SI: variants seen among roughly 807,000 people sequenced by gnomAD.
SI encodes sucrase-isomaltase.
Under a neutral mutation model 253.3 loss-of-function variants are expected in SI, and 235 were observed. The ratio of observed to expected loss-of-function variants is 0.93; its 90% CI spans 0.83 to 1.03. The LOEUF is 1.03. Ranked by LOEUF, SI falls within the 50% of genes least tolerant of loss-of-function variation. The probability of loss-of-function intolerance (pLI) is 0.00; values close to 1 mark genes in which losing one functional copy is unlikely to be tolerated. For missense variants in SI, 2,442 were observed against 2,211.1 expected (o/e 1.10, Z -2.09); for synonymous variants, 819 against 712.0 (o/e 1.15, Z -2.39).
chr3:165,011,330 T>G (rs568506247), intron 34 of SI, among the ~76,000 whole-genome samples: 1 of 152,266 alleles, frequency 6.6e-6, no homozygotes, highest in African/African-American at 2.4e-5. Flanking sequence ...CTGAAGAAAT[T>G]TTCTAATTCT....
intron 17 of SI, among the ~76,000 whole-genome samples, chr3:165,042,809 T>A (rs112331294): frequency 1.6e-3 from 239 of 152,256 alleles, no homozygotes; most frequent in African/African-American, 5.3e-3. Flanking sequence ...TGTACAGTTA[T>A]GCGTTAGTCT....
chr3:165,002,967 A>G (rs1435931750), intron 37 of SI, among the ~76,000 whole-genome samples: 1 of 151,794 alleles, frequency 6.6e-6, no homozygotes, highest in Non-Finnish European at 1.5e-5. Flanking sequence ...AGGATATTCC[A>G]TGGAAGATTG....
At chr3:164,991,747 T>C (rs1717745915) in intron 43 of SI, among the ~76,000 whole-genome samples, 1 of 152,134 alleles carries the variant, frequency 6.6e-6, no homozygotes. Flanking sequence ...AATATAAGTC[T>C]TTATGATAGC....
chr3:165,037,837 C>T, intron 21 of SI, 63 bp downstream of exon 21: 1 of 1,172,848 alleles, frequency 8.5e-7, no homozygotes, highest in Non-Finnish European at 1.2e-6. Context: ...ATTCTTAATG[C>T]AAATATGAAA....
chr3:164,989,343 AAG>A (rs1422655626), intron 44 of SI, among the ~76,000 whole-genome samples: 1 of 148,590 alleles, frequency 6.7e-6, no homozygotes, highest in Non-Finnish European at 1.5e-5. Context: ...TGTCAAAAAA[AAG>A]AGAGAAAGAA....
At chr3:164,985,969 T>C (rs1717413884) in intron 45 of SI, among the ~76,000 whole-genome samples, 1 of 152,126 alleles carries the variant, frequency 6.6e-6, no homozygotes, top group Non-Finnish European at 1.5e-5. Context: ...GGAACAGTTA[T>C]GAATGGAATA....
chr3:165,063,492 T>A lies in SI; in HGVS notation c.857A>T (p.Asp286Val). ...AACACCGAATGACTTTCCAGATGTA[T>A]CTTCAATACACATAAAGAATGTTTG... ...GHQTFFMCIE[D>V]TSGKSFGVFL... Residue 286 changes from aspartate (D) to valine (V), a missense_variant, in exon 8 of 48, where the codon GAT becomes GTT. By Grantham distance (152) the Asp-to-Val change is radical. Coordinates refer to ENST00000264382, the MANE Select transcript of SI (RefSeq NM_001041.4). 1 of 1,569,398 alleles carries A rather than the reference T, an allele frequency of 6.4e-7. No homozygotes were observed. The highest frequency in any genetic ancestry group is 8.7e-7 in the Non-Finnish European group (1 of 1,142,898).
Position 164,982,409 on chromosome 3 carries a change from G to C in SI, c.5249C>G (p.Thr1750Ser). Residue 1750 changes from threonine (T) to serine (S), a missense_variant and splice_region_variant, in exon 47 of 48, where the codon ACC becomes AGC. Thr to Ser is a moderately conservative substitution (Grantham distance 58, BLOSUM62 1). Transcript: ENST00000264382. ...CTTCAATATAGTGCTTGTTAAGGTG[G>C]TCTATAAATAAAGAAAAAGGAATAA... ...YLSVQFNLNQ[T>S]TLTSTILKRG... 1.2e-6 allele frequency: 2 copies of C among 1,605,662 alleles called. No homozygotes were observed. The highest frequency in any genetic ancestry group is 1.7e-6 in the Non-Finnish European group (2 of 1,173,272).
At chr3:165,066,138 A>G (rs1385586285) in intron 6 of SI, among the ~76,000 whole-genome samples, 1 of 151,984 alleles carries the variant, frequency 6.6e-6, no homozygotes, top group East Asian at 1.9e-4. Flanking sequence ...TAAACAATAT[A>G]GTATAAAAAC....
At chr3:165,006,031 T>C (rs1040299884) in intron 37 of SI, among the ~76,000 whole-genome samples, 1 of 152,218 alleles carries the variant, frequency 6.6e-6, no homozygotes, top group East Asian at 1.9e-4. Context: ...AAAATGCAGA[T>C]AATTACTATG....
intron 3 of SI, among the ~76,000 whole-genome samples, chr3:165,071,278 A>G (rs1231055218): frequency 6.6e-6 from 1 of 151,990 alleles, no homozygotes; most frequent in Non-Finnish European, 1.5e-5. Context: ...ATTTTAATTT[A>G]TCTTGCGAAG....
intron 8 of SI, among the ~76,000 whole-genome samples, chr3:165,063,103 T>C (rs1016829462): frequency 3.3e-5 from 5 of 152,060 alleles, no homozygotes; most frequent in Non-Finnish European, 5.9e-5. Context: ...ATAGACATCT[T>C]TTTTGTTTTC....
At chr3:164,986,410 G>A (rs1252907216) in intron 45 of SI, among the ~76,000 whole-genome samples, 4 of 152,146 alleles carry the variant, frequency 2.6e-5, no homozygotes, top group Admixed American at 6.6e-5. Flanking sequence ...TCCTTCCAGA[G>A]GGGTCTTACC....
chr3:165,002,576 G>GAA (rs901437944), intron 37 of SI, among the ~76,000 whole-genome samples: 4 of 151,556 alleles, frequency 2.6e-5, no homozygotes, highest in African/African-American at 9.7e-5. Context: ...TATAACTTGA[G>GAA]AAAAAAACGT....
In SI at chr3:165,047,479, C is replaced by A. The variant is rs12486366; in HGVS notation, c.1716-467G>T. ...ATGAAACTGGGCTAATACACCATGC[C>A]ATAATATTTATAATAATTATGTCAA... On this transcript the variant is annotated intron_variant, in intron 15 of 47. Coordinates refer to ENST00000264382, the MANE Select transcript of SI (RefSeq NM_001041.4). 3.5e-3 allele frequency among the ~76,000 whole-genome samples: 528 copies of A among 152,062 alleles called. 12 individuals are homozygous for A. Among genetic ancestry groups the A allele is most frequent in the Admixed American group, 0.032 (481 of 15,224 alleles).
intron 24 of SI, among the ~76,000 whole-genome samples, chr3:165,031,936 T>A (rs1046907948): frequency 6.6e-6 from 1 of 151,132 alleles, no homozygotes; most frequent in Non-Finnish European, 1.5e-5. Context: ...GTGCATCCAA[T>A]AACAGTGCAT....
At position 165,040,999 on chromosome 3, in the gene SI, G is replaced by A; in HGVS notation, c.2100C>T (p.Tyr700=). The A allele has an allele frequency of 6.2e-7, 1 of 1,612,510 alleles. No individual in the cohort carries two copies. The highest frequency in any genetic ancestry group is 2.2e-5 in the East Asian group (1 of 44,706). ...TIRYTLLPFL[Y]TLFYKAHVFG... ...ACACATGGGCTTTATAAAACAGAGT[G>A]TAGAGGAAGGGTAATAAGGTGTAGC... The change falls in exon 18 of 48, where the codon TAC becomes TAT. Residue 700 remains tyrosine (Y), a synonymous_variant. Transcript: ENST00000264382.
Position 165,075,941 on chromosome 3 carries a change from A to C in SI, c.72T>G (p.Ala24=), listed in dbSNP as rs1714937984. The C allele has an allele frequency of 1.2e-6, 2 of 1,600,280 alleles. No individual in the cohort carries two copies. Among genetic ancestry groups the C allele is most frequent in the Non-Finnish European group, 1.7e-6 (2 of 1,169,654 alleles). Residue 24 remains alanine (A), a synonymous_variant, in exon 2 of 48, where the codon GCT becomes GCG. Transcript: ENST00000264382. ...TTGCTAAAACAACAATTAAGGCAATAGCTATTATAGTAACTATGACAAAAA... is the reference window on the plus strand; with the variant it reads ...TTGCTAAAACAACAATTAAGGCAATCGCTATTATAGTAACTATGACAAAAA... ...IVLFVIVTII[A]IALIVVLATK...
In SI at chr3:165,065,351, A is replaced by T. The variant is rs753398539; in HGVS notation, c.717T>A (p.Tyr239Ter). ...ISTRLPSDYI[Y>*]GIGEQVHKRF... ...TCTTATGAACTTGTTCTCCAATACC[A>T]TAAATATAATCACTTGGAAGACGGG... Residue 239 changes from tyrosine to a stop codon, truncating the protein, a stop_gained, in exon 7 of 48, where the codon TAT (tyrosine) becomes TAA (stop). Transcript: ENST00000264382. LOFTEE classifies it high-confidence loss of function. 4 of 1,595,694 alleles carry T rather than the reference A, an allele frequency of 2.5e-6. No individual in the cohort carries two copies. The highest frequency in any genetic ancestry group is 3.4e-6 in the Non-Finnish European group (4 of 1,164,946).
Sources: allele counts gnomAD v4.1 joint callset (sites outside exome capture counted in the v4.1 genomes callset), GRCh38; gene constraint gnomAD v4.1.1; transcripts MANE v1.5; gene names NCBI Gene and HGNC (gene_info 2026-07-23, HGNC 2026-07-21).